Variants in IL1RAPL2 observed in about 807,000 individuals in gnomAD.
The protein encoded by IL1RAPL2 is X-linked interleukin-1 receptor accessory protein-like 2.
A neutral mutation model predicts 44.1 loss-of-function variants in IL1RAPL2; 3 were observed. The ratio of observed to expected loss-of-function variants is 0.07; its 90% confidence interval spans 0.03 to 0.18. IL1RAPL2 has a LOEUF of 0.18. IL1RAPL2 is among the 10% of genes least tolerant of loss of function. The pLI is 1.00. For missense variants in IL1RAPL2, 391 were observed against 496.4 expected (o/e 0.79, Z 2.02); for synonymous variants, 181 against 178.8 (o/e 1.01, Z -0.10).
chrX:105,065,036 A>G (rs2032120284), intron 2 of IL1RAPL2, among the ~76,000 whole-genome samples: 1 of 112,651 alleles, frequency 8.9e-6, no homozygotes, highest in Non-Finnish European at 1.9e-5. Context: ...AAACTGATTT[A>G]GGGGACTGCA....
At chrX:105,447,108 A>ATATATATGAATAT (rs2035963967) in intron 5 of IL1RAPL2, among the ~76,000 whole-genome samples, 1 of 20,600 alleles carries the variant, frequency 4.9e-5, no homozygotes, top group African/African-American at 2.4e-4. Flanking sequence ...TATATATATA[A>ATATATATGAATAT]AAATATATAT....
rs1210471924 is a variant in IL1RAPL2, at chrX:104,916,232, T to C, written c.82+257237T>C. ...AATATTCTTCCATTTGTTTGTATCC[T>C]CTTTTATTTCATTGAGCAGTGGTTT... On this transcript the variant is annotated intron_variant, in intron 2 of 10. Transcript: ENST00000372582. 2.7e-5 allele frequency among the ~76,000 whole-genome samples: 3 copies of C among 111,865 alleles called. No individual in the cohort carries two copies. The Admixed American group carries it at 2.8e-4, about 11-fold the overall frequency.
rs144148560 is a variant in IL1RAPL2 at position 105,370,644 on chromosome X, T to C, written c.697+103103T>C. Among the ~76,000 whole-genome samples the C allele has an allele frequency of 3.5e-3, 395 of 112,359 alleles. 2 individuals carry two copies. The highest frequency in any genetic ancestry group is 0.012 in the African/African-American group (376 of 30,915). Reference sequence around the variant, plus strand: ...GTCTACCATTGATAGGTACTTAGGTTGATTCCATGTCTTTGCTCTTGTGAA... The same window carrying C: ...GTCTACCATTGATAGGTACTTAGGTCGATTCCATGTCTTTGCTCTTGTGAA... On this transcript the variant is annotated intron_variant, in intron 5 of 10. Coordinates refer to ENST00000372582, the MANE Select transcript of IL1RAPL2 (RefSeq NM_017416.2).
chrX:105,325,624 C>G (rs1297034477), intron 5 of IL1RAPL2, among the ~76,000 whole-genome samples: 1 of 103,044 alleles, frequency 9.7e-6, no homozygotes, highest in Non-Finnish European at 1.9e-5. Context: ...TATGACAGCT[C>G]TATGTTCAAC....
intron 2 of IL1RAPL2, among the ~76,000 whole-genome samples, chrX:104,870,546 G>GCAA (rs1922733975): frequency 8.9e-6 from 1 of 111,909 alleles, no homozygotes; most frequent in Admixed American, 9.5e-5. Flanking sequence ...CATAAATCAG[G>GCAA]CAAGTGGGAT....
chrX:105,595,627 T>C (rs1487971824), intron 6 of IL1RAPL2, among the ~76,000 whole-genome samples: 1 of 111,427 alleles, frequency 9.0e-6, no homozygotes, highest in African/African-American at 3.3e-5. Flanking sequence ...GTTTGTTTGT[T>C]TTTCTTGCAG....
At chrX:105,151,414 G>A (rs1233345377) in intron 2 of IL1RAPL2, among the ~76,000 whole-genome samples, 1 of 110,652 alleles carries the variant, frequency 9.0e-6, no homozygotes, top group African/African-American at 3.3e-5. Context: ...AGAATAATTA[G>A]AGAGAAAAAG....
At chrX:104,823,824 C>A (rs1921376264) in intron 2 of IL1RAPL2, among the ~76,000 whole-genome samples, 1 of 112,115 alleles carries the variant, frequency 8.9e-6, no homozygotes, top group African/African-American at 3.2e-5. Context: ...ACAATCATGT[C>A]ATCTGCAAAC....
At chrX:105,017,274 TG>T (rs916128201) in intron 2 of IL1RAPL2, among the ~76,000 whole-genome samples, 2 of 111,410 alleles carry the variant, frequency 1.8e-5, no homozygotes, top group African/African-American at 3.3e-5. Flanking sequence ...CATTGATTTT[TG>T]GAAAGATTTT....
chrX:105,163,525 A>G (rs1270622911), intron 2 of IL1RAPL2, among the ~76,000 whole-genome samples: 1 of 112,147 alleles, frequency 8.9e-6, no homozygotes, highest in Non-Finnish European at 1.9e-5. Flanking sequence ...TTTATTTTTC[A>G]TGCAAGTATT....
intron 2 of IL1RAPL2, among the ~76,000 whole-genome samples, chrX:104,760,282 A>T (rs1026094095): frequency 4.5e-5 from 5 of 112,015 alleles, no homozygotes; most frequent in African/African-American, 1.6e-4. Context: ...ATTTCATTTC[A>T]TGTAGGTATA....
At chrX:105,206,720 G>T (rs1556152657) in intron 3 of IL1RAPL2, among the ~76,000 whole-genome samples, 1 of 111,848 alleles carries the variant, frequency 8.9e-6, no homozygotes, top group African/African-American at 3.2e-5. Flanking sequence ...GTTAAAGCAA[G>T]AATTTTCAGA....
intron 6 of IL1RAPL2, among the ~76,000 whole-genome samples, chrX:105,638,152 T>C (rs755705511): frequency 3.6e-5 from 4 of 112,167 alleles, no homozygotes; most frequent in Admixed American, 2.8e-4. Flanking sequence ...TAACCATACA[T>C]TGAAGCAGGA....
chrX:104,585,322 A>ATATATTACATAT (rs1347233369), intron 1 of IL1RAPL2, among the ~76,000 whole-genome samples: 1 of 21,015 alleles, frequency 4.8e-5, no homozygotes, highest in Non-Finnish European at 6.7e-5. Flanking sequence ...AATATATATT[A>ATATATTACATAT]TATATAATAT....
chrX:104,864,977 A>G (rs773529008), intron 2 of IL1RAPL2, among the ~76,000 whole-genome samples: 4 of 111,315 alleles, frequency 3.6e-5, no homozygotes, highest in Admixed American at 9.6e-5. Flanking sequence ...AGTGGGCCCA[A>G]TGGATGCCTA....
intron 8 of IL1RAPL2, among the ~76,000 whole-genome samples, chrX:105,747,961 T>C (rs2038563590): frequency 9.0e-6 from 1 of 111,486 alleles, no homozygotes; most frequent in Non-Finnish European, 1.9e-5. Flanking sequence ...CTAATTATAA[T>C]GAGACCGATA....
At chrX:104,675,570 A>G (rs1240155664) in intron 2 of IL1RAPL2, among the ~76,000 whole-genome samples, 1 of 111,053 alleles carries the variant, frequency 9.0e-6, no homozygotes, top group Non-Finnish European at 1.9e-5. Flanking sequence ...AAAAATGTAT[A>G]TTCTGTTTAT....
chrX:104,617,738 AT>A (rs1450913607), intron 1 of IL1RAPL2, among the ~76,000 whole-genome samples: 1 of 111,431 alleles, frequency 9.0e-6, no homozygotes, highest in Admixed American at 9.5e-5. Context: ...CTCTTCCTTC[AT>A]TTCCTGGATT....
At chrX:104,725,601 T>C (rs1168923707) in intron 2 of IL1RAPL2, among the ~76,000 whole-genome samples, 1 of 112,366 alleles carries the variant, frequency 8.9e-6, no homozygotes, top group Admixed American at 9.4e-5. Flanking sequence ...TGGTATCTCA[T>C]TGTGGTTTTG....
Sources: gnomAD v4.1 joint callset for allele counts (sites outside exome capture counted in the v4.1 genomes callset) on GRCh38, gnomAD v4.1.1 for gene constraint, MANE v1.5 for transcripts, NCBI Gene and HGNC (gene_info 2026-07-23, HGNC 2026-07-21) for gene names.